Variants in CCDC73 observed in about 807,000 individuals in gnomAD.
The protein encoded by CCDC73 is coiled-coil domain-containing protein 73.
A neutral mutation model predicts 116.5 loss-of-function variants in CCDC73; 95 were observed. The ratio of observed to expected loss-of-function variants is 0.82; its 90% CI spans 0.69 to 0.97. The LOEUF is 0.97. Ranked by LOEUF, CCDC73 falls within the 50% of genes least tolerant of loss-of-function variation. The probability of loss-of-function intolerance (pLI) is 0.00; values close to 1 mark genes in which losing one functional copy is unlikely to be tolerated. For missense variants in CCDC73, 1,066 were observed against 1,206.8 expected (o/e 0.88, Z 1.73); for synonymous variants, 398 against 401.3 (o/e 0.99, Z 0.10).
chr11:32,629,921 C>CAAAAAAAAA (rs367693675), intron 14 of CCDC73, among the ~76,000 whole-genome samples: 21 of 55,672 alleles, frequency 3.8e-4, no homozygotes, highest in Non-Finnish European at 5.7e-4. Flanking sequence ...AGCAGATATG[C>CAAAAAAAAA]AAAAAAAAAA....
At chr11:32,770,120 A>T (rs1475367788) in intron 1 of CCDC73, among the ~76,000 whole-genome samples, 1 of 152,128 alleles carries the variant, frequency 6.6e-6, no homozygotes, top group Admixed American at 6.6e-5. Context: ...ATACAAGTTT[A>T]TTCAGTTGTT....
In CCDC73 at chr11:32,727,527, TC is replaced by T. The variant is rs528545460; in HGVS notation, c.136-9381del. On this transcript the variant is annotated intron_variant, in intron 2 of 17. Coordinates refer to ENST00000335185, the MANE Select transcript of CCDC73 (RefSeq NM_001008391.4). ...AACTACCTTGTTTCTCCTTAAAGTT[TC>T]AGCCATCAAATTTGGCATTCATCAG... 4.1e-3 allele frequency among the ~76,000 whole-genome samples: 618 copies of T among 152,338 alleles called. 5 individuals are homozygous for T. Among genetic ancestry groups the T allele is most frequent in the African/African-American group, 0.014 (595 of 41,586 alleles).
chr11:32,817,260 G>T, the CCDC73 span, among the ~76,000 whole-genome samples: 1 of 152,190 alleles, frequency 6.6e-6, no homozygotes, highest in Non-Finnish European at 1.5e-5. Flanking sequence ...GCAATGCAAT[G>T]AACGTCTTCA....
At chr11:32,645,481 G>A (rs1021287474) in intron 12 of CCDC73, among the ~76,000 whole-genome samples, 13 of 151,708 alleles carry the variant, frequency 8.6e-5, no homozygotes, top group Non-Finnish European at 1.8e-4. Flanking sequence ...AGTAGAGACG[G>A]GGTTTCACCA....
At position 32,613,924 on chromosome 11, in the gene CCDC73, C is replaced by T. The variant is rs866552882; in HGVS notation, c.2394G>A (p.Met798Ile). Residue 798 changes from methionine to isoleucine, a missense_variant, in exon 16 of 18, where the codon ATG becomes ATA. Coordinates refer to ENST00000335185, the MANE Select transcript of CCDC73 (RefSeq NM_001008391.4). The stretch of plus-strand genomic sequence containing the variant: ...AAAACTCTGTTTCTGTGCAAGTTTT[C>T]ATGTGAACAGCAGTTTTCACATCTT... ...QAKDVKTAVH[M>I]KTCTETEFSN... 1 of 1,612,246 alleles carries T rather than the reference C, an allele frequency of 6.2e-7. No individual in the cohort carries two copies. Among genetic ancestry groups the T allele is most frequent in the East Asian group, 2.2e-5 (1 of 44,858 alleles).
chr11:32,827,418 G>A, the CCDC73 span, among the ~76,000 whole-genome samples: 1 of 152,170 alleles, frequency 6.6e-6, no homozygotes, highest in Non-Finnish European at 1.5e-5. Context: ...CTGAGAAACA[G>A]ACTTCATTTC....
At chr11:32,808,980 G>T in the CCDC73 span, among the ~76,000 whole-genome samples, 3 of 151,796 alleles carry the variant, frequency 2.0e-5, no homozygotes, top group Non-Finnish European at 4.4e-5. Context: ...GCTTTTTCTT[G>T]CAGCATATAA....
At chr11:32,667,059 G>A (rs1304841919) in intron 9 of CCDC73, among the ~76,000 whole-genome samples, 1 of 152,204 alleles carries the variant, frequency 6.6e-6, no homozygotes, top group Non-Finnish European at 1.5e-5. Flanking sequence ...CGTGTGAGGT[G>A]TCAGTCTGCC....
chr11:32,618,007 T>C (rs560662753), intron 14 of CCDC73, among the ~76,000 whole-genome samples: 173 of 152,334 alleles, frequency 1.1e-3, no homozygotes, highest in Non-Finnish European at 1.9e-3. Flanking sequence ...TAGTAATCAA[T>C]AGTTTTTCAA....
intron 9 of CCDC73, 95 bp from the exon 10 acceptor site, chr11:32,655,067 A>T: frequency 8.5e-7 from 1 of 1,173,040 alleles, no homozygotes; most frequent in South Asian, 1.5e-5. Context: ...CCTTAAGCCT[A>T]TAATTATAAT....
intron 7 of CCDC73, chr11:32,682,388 TA>T (rs911113831): frequency 8.6e-5 from 13 of 151,996 alleles, no homozygotes; most frequent in African/African-American, 3.1e-4. Context: ...ATATTATTTT[TA>T]TTCTTTCCAG....
intron 14 of CCDC73, among the ~76,000 whole-genome samples, chr11:32,633,207 C>A (rs1855647478): frequency 6.6e-6 from 1 of 152,136 alleles, no homozygotes; most frequent in Admixed American, 6.5e-5. Flanking sequence ...GGCCCAAAAC[C>A]TGGTTCTTTG....
rs190623406 is a variant in CCDC73 at position 32,628,932 on chromosome 11, C to T, written c.1185+6764G>A. Among the ~76,000 whole-genome samples, 448 of 151,604 alleles carry T rather than the reference C, an allele frequency of 3.0e-3. 3 individuals carry two copies. The highest frequency in any genetic ancestry group is 1.7e-3 in the East Asian group (9 of 5,180). On this transcript the variant is annotated intron_variant, in intron 14 of 17. Coordinates refer to ENST00000335185, the MANE Select transcript of CCDC73 (RefSeq NM_001008391.4). ...TTCAAGGATTTAAAGGACAATGATA[C>T]GAACATAATGAAGAGAAAAATTTTA... is the stretch of plus-strand genomic sequence containing the variant.
chr11:32,639,904 A>G (rs775096864), intron 13 of CCDC73, among the ~76,000 whole-genome samples: 7 of 152,238 alleles, frequency 4.6e-5, no homozygotes, highest in Non-Finnish European at 5.9e-5. Context: ...AATTTTAAAT[A>G]TACTATCTAA....
intron 13 of CCDC73, among the ~76,000 whole-genome samples, chr11:32,640,220 G>A (rs918247451): frequency 9.2e-5 from 14 of 152,108 alleles, no homozygotes; most frequent in African/African-American, 3.4e-4. Context: ...CATAATGGAA[G>A]CAAAATGATT....
At chr11:32,750,034 C>T (rs1229916954) in intron 2 of CCDC73, among the ~76,000 whole-genome samples, 1 of 98,928 alleles carries the variant, frequency 1.0e-5, no homozygotes, top group Non-Finnish European at 2.2e-5. Flanking sequence ...CTACGCCCGG[C>T]TAATTTTTTG....
intron 12 of CCDC73, among the ~76,000 whole-genome samples, chr11:32,648,345 C>A (rs114924870): frequency 0.011 from 1,732 of 152,212 alleles, 39 homozygotes; most frequent in African/African-American, 0.039. Flanking sequence ...CATTTTATTG[C>A]AGTTTCAAAA....
chr11:32,735,197 G>A (rs1700753811), intron 2 of CCDC73, among the ~76,000 whole-genome samples: 1 of 152,120 alleles, frequency 6.6e-6, no homozygotes, highest in Admixed American at 6.5e-5. Context: ...AAGAAATAAA[G>A]GATATTCAAT....
intron 3 of CCDC73, among the ~76,000 whole-genome samples, chr11:32,710,185 T>C (rs1422751523): frequency 6.6e-6 from 1 of 152,214 alleles, no homozygotes; most frequent in Non-Finnish European, 1.5e-5. Flanking sequence ...TGTTTCAATT[T>C]CACTTAGTTC....
Sources: gnomAD v4.1 joint callset for allele counts (sites outside exome capture counted in the v4.1 genomes callset) on GRCh38, gnomAD v4.1.1 for gene constraint, MANE v1.5 for transcripts, NCBI Gene and HGNC (gene_info 2026-07-23, HGNC 2026-07-21) for gene names.